LOXL2: variants seen among roughly 807,000 people sequenced by gnomAD.
The protein encoded by LOXL2 is lysyl oxidase like 2, also known as lysyl oxidase homolog 2.
In LOXL2, 70 loss-of-function variants were observed where a neutral mutation model predicts 93.0. The ratio of observed to expected loss-of-function variants is 0.75; its 90% CI spans 0.62 to 0.92. LOXL2 has a LOEUF of 0.92. Ranked by LOEUF, LOXL2 falls within the 40% of genes least tolerant of loss-of-function variation. The pLI is 0.00. For missense variants in LOXL2, 973 were observed against 1,054.9 expected (o/e 0.92, Z 1.08); for synonymous variants, 438 against 413.2 (o/e 1.06, Z -0.73).
intron 1 of LOXL2, among the ~76,000 whole-genome samples, chr8:23,389,917 T>C (rs1804815507): frequency 6.6e-6 from 1 of 152,158 alleles, no homozygotes; most frequent in Admixed American, 6.5e-5. Context: ...ATTTGAAGCA[T>C]CTCATAAACA....
intron 7 of LOXL2, chr8:23,321,765 G>C (rs7821729): frequency 0.73 from 148,243 of 203,084 alleles, 54,421 homozygotes; most frequent in Non-Finnish European, 0.76. Flanking sequence ...ATAGAGGAAA[G>C]AGAACGCCTC....
intron 3 of LOXL2, among the ~76,000 whole-genome samples, chr8:23,347,610 AC>A (rs1198383776): frequency 1.3e-5 from 2 of 152,206 alleles, no homozygotes; most frequent in Admixed American, 6.5e-5. Flanking sequence ...AGATTGCACC[AC>A]TGCACTCCAG....
Position 23,302,156 on chromosome 8 carries a change from C to G in LOXL2, c.2004G>C (p.Gln668His), listed in dbSNP as rs773708433. The change falls in exon 12 of 14, where the codon CAG (glutamine) becomes CAC (histidine). Residue 668 changes from glutamine to histidine, a missense_variant. Transcript: ENST00000389131. ...CGAAGTTGGCACACTCGTAATTCTT[C>G]TGGATGTCTGCGGGCAGGGTAGAGG... The part of the protein sequence containing the change: ...LEDTECEGDI[Q>H]KNYECANFGD... The G allele has an allele frequency of 3.1e-6, 5 of 1,614,160 alleles. No individual in the cohort carries two copies. In the Admixed American group the frequency reaches 8.3e-5, roughly 27 times the overall value.
chr8:23,389,434 A>G (rs550908354), intron 1 of LOXL2, among the ~76,000 whole-genome samples: 5 of 152,230 alleles, frequency 3.3e-5, no homozygotes, highest in Non-Finnish European at 5.9e-5. Flanking sequence ...CTGGAAAATC[A>G]AGGACAATTG....
chr8:23,377,886 T>C (rs1249014762), intron 1 of LOXL2, among the ~76,000 whole-genome samples: 1 of 152,202 alleles, frequency 6.6e-6, no homozygotes, highest in Non-Finnish European at 1.5e-5. Flanking sequence ...GTCTTGACTC[T>C]TTATCCAATT....
chr8:23,328,240 G>A, intron 6 of LOXL2, 142 bp downstream of exon 6: 2 of 812,928 alleles, frequency 2.5e-6, no homozygotes, highest in African/African-American at 1.7e-5. Flanking sequence ...CTAGGGAGAG[G>A]CCTGGGATTC....
chr8:23,308,016 A>G (rs1198017184), intron 10 of LOXL2, among the ~76,000 whole-genome samples: 6 of 151,528 alleles, frequency 4.0e-5, no homozygotes, highest in Admixed American at 3.9e-4. Context: ...GACAAAAAAG[A>G]AAGAGCATGT....
chr8:23,314,579 T>G (rs1803363738), intron 9 of LOXL2, among the ~76,000 whole-genome samples: 1 of 146,338 alleles, frequency 6.8e-6, no homozygotes, highest in Non-Finnish European at 1.5e-5. Flanking sequence ...CACTCATAGG[T>G]GGGAACTGAA....
At chr8:23,349,248 TTTCTTCTCCCATCCGTTCATCCTC>T (rs1338538903) in intron 3 of LOXL2, among the ~76,000 whole-genome samples, 1 of 152,146 alleles carries the variant, frequency 6.6e-6, no homozygotes. Context: ...TCGCCTCTGG[TTTCTTCTCCCATCCGTTCATCCTC>T]TTTGACCACA....
chr8:23,396,427 A>G (rs1486821763), intron 1 of LOXL2, among the ~76,000 whole-genome samples: 2 of 152,180 alleles, frequency 1.3e-5, no homozygotes, highest in Non-Finnish European at 2.9e-5. Context: ...GGATACGGCC[A>G]AAGAATGGGC....
intron 3 of LOXL2, among the ~76,000 whole-genome samples, chr8:23,346,158 A>AAAT (rs1563197443): frequency 2.2e-5 from 3 of 138,098 alleles, no homozygotes; most frequent in South Asian, 4.5e-4. Context: ...AAATAAAATA[A>AAAT]AAAATAAAAT....
chr8:23,397,982 A>G lies in LOXL2; in HGVS notation c.-84+5972T>C, dbSNP rs964909061. Among the ~76,000 whole-genome samples the G allele has an allele frequency of 5.3e-5, 8 of 151,764 alleles. No homozygotes were observed. The East Asian group carries it at 1.2e-3, about 22-fold the overall frequency. The stretch of plus-strand genomic sequence containing the variant: ...TCTCAAAAAAAAAAAAAAAAAAAAA[A>G]AAAGAAATGTGCTTTACTCAATTTT... On this transcript the variant is annotated intron_variant, in intron 1 of 13. Transcript: ENST00000389131.
intron 9 of LOXL2, among the ~76,000 whole-genome samples, chr8:23,316,052 C>A (rs1317578430): frequency 1.3e-5 from 2 of 152,168 alleles, no homozygotes; most frequent in African/African-American, 4.8e-5. Context: ...GCGAAGCCTG[C>A]CCTGAGGTCC....
intron 3 of LOXL2, among the ~76,000 whole-genome samples, chr8:23,348,435 G>A (rs1000966760): frequency 8.8e-5 from 12 of 135,650 alleles, no homozygotes; most frequent in African/African-American, 4.0e-4. Flanking sequence ...TGGGCACGGT[G>A]GCACCTGCCC....
At chr8:23,379,169 C>T (rs901301337) in intron 1 of LOXL2, among the ~76,000 whole-genome samples, 1 of 152,216 alleles carries the variant, frequency 6.6e-6, no homozygotes, top group African/African-American at 2.4e-5. Flanking sequence ...GGACCCTCAG[C>T]TGCAGGTCTG....
chr8:23,377,990 A>C (rs977183828), intron 1 of LOXL2, among the ~76,000 whole-genome samples: 1 of 152,194 alleles, frequency 6.6e-6, no homozygotes, highest in African/African-American at 2.4e-5. Flanking sequence ...TTATAATGTT[A>C]GCTGGTTATT....
Position 23,368,097 on chromosome 8 carries a change from A to T in LOXL2, c.255T>A (p.Asp85Glu), listed in dbSNP as rs531560964. 2 of 1,614,098 alleles carry T rather than the reference A, an allele frequency of 1.2e-6. No homozygotes were observed. The highest frequency in any genetic ancestry group is 2.2e-5 in the East Asian group (1 of 44,878). ...GGGCAGCGTGGATGGAGAAGTCGTCATCGCACACGGTGCCCCACTGGCCAT... is the reference window on the plus strand; with the variant it reads ...GGGCAGCGTGGATGGAGAAGTCGTCTTCGCACACGGTGCCCCACTGGCCAT... Reference protein sequence around the residue: ...YYDGQWGTVCDDDFSIHAAHV... With the variant: ...YYDGQWGTVCEDDFSIHAAHV... The change falls in exon 2 of 14, where the codon GAT (aspartate) becomes GAA (glutamate). Residue 85 changes from aspartate to glutamate, a missense_variant. Asp to Glu is a conservative substitution (Grantham distance 45). Coordinates refer to ENST00000389131, the MANE Select transcript of LOXL2 (RefSeq NM_002318.3).
intron 3 of LOXL2, among the ~76,000 whole-genome samples, chr8:23,350,395 A>G (rs988571218): frequency 3.3e-5 from 5 of 152,062 alleles, no homozygotes; most frequent in African/African-American, 1.2e-4. Context: ...CCTGGCCAAC[A>G]TGGGGCTCTA....
chr8:23,385,518 C>T (rs547004503), intron 1 of LOXL2, among the ~76,000 whole-genome samples: 1 of 151,874 alleles, frequency 6.6e-6, no homozygotes, highest in Non-Finnish European at 1.5e-5. Flanking sequence ...GCTCAGCCTC[C>T]CAAAGTGCTG....
Sources: gnomAD v4.1 joint callset for allele counts (sites outside exome capture counted in the v4.1 genomes callset) on GRCh38, gnomAD v4.1.1 for gene constraint, MANE v1.5 for transcripts, NCBI Gene and HGNC (gene_info 2026-07-23, HGNC 2026-07-21) for gene names.